Variants in KCNT2 observed in about 807,000 individuals in gnomAD.
KCNT2 encodes the protein potassium channel subfamily T member 2.
Under a neutral mutation model 153.8 loss-of-function variants are expected in KCNT2, and 67 were observed. That is an observed-to-expected ratio of 0.44 (90% CI 0.36 to 0.53). The LOEUF (loss-of-function observed/expected upper bound fraction) is 0.53, where lower values mean the gene tolerates loss of function less well. KCNT2 is among the 20% of genes least tolerant of loss of function. The pLI is 0.00. For missense variants in KCNT2, 975 were observed against 1,354.8 expected, an observed-to-expected ratio of 0.72 and a Z score of 4.40; for synonymous variants, 500 against 458.8, an observed-to-expected ratio of 1.09 and a Z score of -1.15.
chr1:196,311,542 A>G (rs1036722610), intron 21 of KCNT2, among the ~76,000 whole-genome samples: 1 of 151,928 alleles, frequency 6.6e-6, no homozygotes, highest in East Asian at 1.9e-4. Context: ...GCAACCAAAA[A>G]TCTTTGTATT....
chr1:196,387,749 T>A (rs978845349), intron 13 of KCNT2, among the ~76,000 whole-genome samples: 1 of 151,904 alleles, frequency 6.6e-6, no homozygotes, highest in Non-Finnish European at 1.5e-5. Flanking sequence ...CTTCTACCTA[T>A]TTTTATTGGT....
intron 1 of KCNT2, among the ~76,000 whole-genome samples, chr1:196,493,625 A>C (rs1558005474): frequency 6.6e-6 from 1 of 152,198 alleles, no homozygotes; most frequent in East Asian, 1.9e-4. Context: ...ATGGGTATAC[A>C]CATGCCATGT....
intron 12 of KCNT2, among the ~76,000 whole-genome samples, chr1:196,411,996 T>C (rs1033680178): frequency 2.0e-5 from 3 of 151,828 alleles, no homozygotes; most frequent in Non-Finnish European, 4.4e-5. Context: ...TATTTTAGCA[T>C]GTTGAACCAT....
At chr1:196,587,272 T>C (rs115568113) in intron 1 of KCNT2, among the ~76,000 whole-genome samples, 2,204 of 152,112 alleles carry the variant, frequency 0.014, 57 homozygotes, top group African/African-American at 0.05. Flanking sequence ...ATCTATTACC[T>C]ACCAACAGCA....
At chr1:196,511,451 A>G (rs1681623028) in intron 1 of KCNT2, among the ~76,000 whole-genome samples, 1 of 152,178 alleles carries the variant, frequency 6.6e-6, no homozygotes, top group Non-Finnish European at 1.5e-5. Flanking sequence ...TACAGCAGAA[A>G]TAGATGTTAC....
Position 196,333,912 on chromosome 1 carries a change from A to G in KCNT2, c.1932T>C (p.Cys644=). Residue 644 remains cysteine, a synonymous_variant, in exon 17 of 28, where the codon TGT becomes TGC. Transcript: ENST00000294725. ...CTTCTGATTGGTCACTTAGAAGATC[A>G]CATGTTTGAATCGATGATGTATCTG... is the stretch of plus-strand genomic sequence containing the variant. ...EVADTSSIQT[C]DLLSDQSEDE... is the part of the protein sequence containing the mutation. The G allele has an allele frequency of 6.2e-7, 1 of 1,612,926 alleles. No homozygotes were observed. Among genetic ancestry groups the G allele is most frequent in the African/African-American group, 1.3e-5 (1 of 74,970 alleles).
At chr1:196,537,489 C>A (rs1368773180) in intron 1 of KCNT2, among the ~76,000 whole-genome samples, 1 of 152,198 alleles carries the variant, frequency 6.6e-6, no homozygotes, top group Non-Finnish European at 1.5e-5. Context: ...CCAGTGCCAG[C>A]ACTCGTGGTA....
intron 21 of KCNT2, among the ~76,000 whole-genome samples, chr1:196,309,492 T>G (rs2147995644): frequency 6.6e-6 from 1 of 151,940 alleles, no homozygotes; most frequent in South Asian, 2.1e-4. Context: ...ACAACATAAT[T>G]TACGTGATGT....
chr1:196,474,434 T>C (rs1461579823), intron 5 of KCNT2, among the ~76,000 whole-genome samples: 1 of 152,166 alleles, frequency 6.6e-6, no homozygotes, highest in Non-Finnish European at 1.5e-5. Context: ...TTTCTACATA[T>C]AAACCCAACA....
chr1:196,388,169 G>A (rs7411565), intron 13 of KCNT2, among the ~76,000 whole-genome samples: 1 of 151,646 alleles, frequency 6.6e-6, no homozygotes, highest in Admixed American at 6.6e-5. Context: ...ATCTGTTGAA[G>A]ATTATTGCCT....
In KCNT2 at chr1:196,429,777, T is replaced by A; in HGVS notation, c.639-20A>T. The A allele has an allele frequency of 6.5e-7, 1 of 1,539,210 alleles. No homozygotes were observed. The highest frequency in any genetic ancestry group is 8.8e-7 in the Non-Finnish European group (1 of 1,133,862). On this transcript the variant is annotated intron_variant, in intron 8 of 27. Transcript: ENST00000294725. ...CAAATGCTAAAGAAACAAATATGCA[T>A]TACAATTAAATCTTTCAAACTGGAC...
Position 196,274,768 on chromosome 1 carries a change from G to A in KCNT2, c.2910+6092C>T, listed in dbSNP as rs551017193. On this transcript the variant is annotated intron_variant, in intron 25 of 27. Coordinates refer to ENST00000294725, the MANE Select transcript of KCNT2 (RefSeq NM_198503.5). ...ATAAATTATGTTGGTATATTAATAT[G>A]CTTTAAAAGATGTTTTTCTGGTTCC... Among the ~76,000 whole-genome samples the A allele has an allele frequency of 2.0e-5, 3 of 151,894 alleles. No individual in the cohort carries two copies. The South Asian group carries it at 6.2e-4, about 31-fold the overall frequency.
intron 25 of KCNT2, among the ~76,000 whole-genome samples, chr1:196,260,907 A>C (rs1260258110): frequency 6.6e-6 from 1 of 151,842 alleles, no homozygotes; most frequent in Non-Finnish European, 1.5e-5. Flanking sequence ...ACATCTGTCA[A>C]CTGTAAACTT....
chr1:196,378,286 A>G (rs1164336681), intron 13 of KCNT2, among the ~76,000 whole-genome samples: 1 of 152,114 alleles, frequency 6.6e-6, no homozygotes, highest in Non-Finnish European at 1.5e-5. Flanking sequence ...TTCTTCCTCT[A>G]CTATTGTGTA....
chr1:196,600,308 C>A (rs779860268), intron 1 of KCNT2, among the ~76,000 whole-genome samples: 26 of 152,182 alleles, frequency 1.7e-4, no homozygotes, highest in Non-Finnish European at 3.1e-4. Flanking sequence ...CCGCCAATAC[C>A]GAATTTTCTG....
intron 1 of KCNT2, among the ~76,000 whole-genome samples, chr1:196,522,550 T>C (rs757305777): frequency 5.2e-4 from 79 of 152,292 alleles, no homozygotes; most frequent in Non-Finnish European, 6.2e-4. Flanking sequence ...TAGTTTGCAA[T>C]TGAGAAAAAT....
intron 1 of KCNT2, among the ~76,000 whole-genome samples, chr1:196,500,454 G>T (rs1680610279): frequency 6.6e-6 from 1 of 152,178 alleles, no homozygotes; most frequent in Non-Finnish European, 1.5e-5. Context: ...TTAGCAAGTT[G>T]AGAATTTATT....
intron 1 of KCNT2, among the ~76,000 whole-genome samples, chr1:196,530,679 T>C (rs1408003815): frequency 6.6e-6 from 1 of 152,114 alleles, no homozygotes; most frequent in South Asian, 2.1e-4. Context: ...TTCCATTTTC[T>C]TATACTGATC....
intron 9 of KCNT2, among the ~76,000 whole-genome samples, chr1:196,428,492 G>T (rs188605858): frequency 9.9e-5 from 15 of 152,172 alleles, no homozygotes; most frequent in African/African-American, 3.1e-4. Flanking sequence ...ATATTAACAT[G>T]ATTTTGCTAT....
Sources: allele counts gnomAD v4.1 joint callset (sites outside exome capture counted in the v4.1 genomes callset), GRCh38; gene constraint gnomAD v4.1.1; transcripts MANE v1.5; gene names NCBI Gene and HGNC (gene_info 2026-07-23, HGNC 2026-07-21).